Variants in HCN1 observed in about 807,000 individuals in gnomAD.
HCN1 encodes hyperpolarization activated cyclic nucleotide gated potassium channel 1.
In HCN1, 13 loss-of-function variants were observed where a neutral mutation model predicts 78.9. The observed-to-expected ratio is 0.16, with a 90% CI of 0.11 to 0.26. The LOEUF (loss-of-function observed/expected upper bound fraction) is 0.26, where lower values mean the gene tolerates loss of function less well. Among genes scored for constraint, HCN1 ranks in the 10% least tolerant of loss-of-function variants. The probability of loss-of-function intolerance (pLI) is 1.00; values close to 1 mark genes in which losing one functional copy is unlikely to be tolerated. For synonymous variants in HCN1, 552 were observed against 455.5 expected, an observed-to-expected ratio of 1.21 and a Z score of -2.70; for missense variants, 810 against 1,154.3, an observed-to-expected ratio of 0.70 and a Z score of 4.32.
intron 2 of HCN1, among the ~76,000 whole-genome samples, chr5:45,475,715 A>AT (rs1360415570): frequency 2.0e-5 from 3 of 151,944 alleles, no homozygotes; most frequent in South Asian, 2.1e-4. Flanking sequence ...CCACATTATT[A>AT]TTTTTTTCTT....
intron 3 of HCN1, among the ~76,000 whole-genome samples, chr5:45,457,887 T>A (rs1426808695): frequency 6.6e-6 from 1 of 152,144 alleles, no homozygotes; most frequent in African/African-American, 2.4e-5. Context: ...TGTAATCACC[T>A]CTTACTAGAC....
At chr5:45,504,254 C>T (rs1477897119) in intron 2 of HCN1, among the ~76,000 whole-genome samples, 1 of 152,092 alleles carries the variant, frequency 6.6e-6, no homozygotes, top group Non-Finnish European at 1.5e-5. Context: ...TCCCCTCTCC[C>T]CTCACCCCAC....
intron 5 of HCN1, among the ~76,000 whole-genome samples, chr5:45,309,583 T>C (rs1745810802): frequency 6.6e-6 from 1 of 152,182 alleles, no homozygotes; most frequent in African/African-American, 2.4e-5. Context: ...GAAGTGATGT[T>C]GAATTTTATC....
At chr5:45,428,662 T>C (rs897307455) in intron 3 of HCN1, among the ~76,000 whole-genome samples, 5 of 152,226 alleles carry the variant, frequency 3.3e-5, no homozygotes, top group African/African-American at 9.6e-5. Context: ...TGATTTAATA[T>C]CTTTCATTTA....
At chr5:45,534,538 A>T (rs1742927445) in intron 2 of HCN1, among the ~76,000 whole-genome samples, 1 of 151,508 alleles carries the variant, frequency 6.6e-6, no homozygotes, top group Non-Finnish European at 1.5e-5. Context: ...GTATAATGTC[A>T]TAACTATTAA....
At chr5:45,395,996 A>T (rs1739679687) in intron 4 of HCN1, among the ~76,000 whole-genome samples, 1 of 152,134 alleles carries the variant, frequency 6.6e-6, no homozygotes, top group African/African-American at 2.4e-5. Context: ...AAGACTGGAG[A>T]GTGTGGCGAC....
chr5:45,518,672 T>G (rs1311265752), intron 2 of HCN1, among the ~76,000 whole-genome samples: 1 of 151,920 alleles, frequency 6.6e-6, no homozygotes, highest in East Asian at 1.9e-4. Flanking sequence ...GAAGAAAGAT[T>G]AAAACAAATG....
chr5:45,453,453 A>G (rs2111604356), intron 3 of HCN1, among the ~76,000 whole-genome samples: 1 of 152,216 alleles, frequency 6.6e-6, no homozygotes, highest in South Asian at 2.1e-4. Context: ...AGACCCTAAA[A>G]CCCAACACAC....
chr5:45,620,820 C>A (rs1413965008), intron 2 of HCN1, among the ~76,000 whole-genome samples: 1 of 152,052 alleles, frequency 6.6e-6, no homozygotes. Context: ...TCTACAGTAC[C>A]CTATCTAACA....
intron 2 of HCN1, among the ~76,000 whole-genome samples, chr5:45,538,852 A>T (rs1292913617): frequency 2.6e-5 from 4 of 152,216 alleles, no homozygotes; most frequent in African/African-American, 9.6e-5. Context: ...ATTTTAAAGT[A>T]TTCCCTGGTC....
chr5:45,469,535 A>C (rs954140013), intron 2 of HCN1, among the ~76,000 whole-genome samples: 2 of 151,946 alleles, frequency 1.3e-5, no homozygotes, highest in African/African-American at 4.8e-5. Context: ...TGGATCTTTG[A>C]ACCTCATTTT....
chr5:45,497,764 C>G (rs992934875), intron 2 of HCN1, among the ~76,000 whole-genome samples: 1 of 152,168 alleles, frequency 6.6e-6, no homozygotes, highest in Admixed American at 6.6e-5. Flanking sequence ...TTCAGGAGCT[C>G]TTTTAGGGCA....
At chr5:45,295,607 C>G (rs1332149981) in intron 6 of HCN1, among the ~76,000 whole-genome samples, 3 of 152,000 alleles carry the variant, frequency 2.0e-5, no homozygotes, top group Non-Finnish European at 4.4e-5. Flanking sequence ...AAGTTATGCA[C>G]AGAATTCAAA....
At chr5:45,387,222 G>C (rs1390636394) in intron 4 of HCN1, among the ~76,000 whole-genome samples, 1 of 151,866 alleles carries the variant, frequency 6.6e-6, no homozygotes, top group African/African-American at 2.4e-5. Context: ...CAAAATGTAT[G>C]AGTTACTTCA....
chr5:45,477,942 C>G (rs1480514034), intron 2 of HCN1, among the ~76,000 whole-genome samples: 2 of 152,108 alleles, frequency 1.3e-5, no homozygotes, highest in African/African-American at 4.8e-5. Context: ...AAAAAAGACA[C>G]TCATTCACTA....
intron 2 of HCN1, among the ~76,000 whole-genome samples, chr5:45,486,200 G>A (rs776188310): frequency 1.3e-5 from 2 of 152,102 alleles, no homozygotes; most frequent in Non-Finnish European, 2.9e-5. Context: ...TGGGAGAAAG[G>A]TGTTTATGTC....
chr5:45,650,209 T>G (rs1258653813), intron 1 of HCN1, among the ~76,000 whole-genome samples: 1 of 152,092 alleles, frequency 6.6e-6, no homozygotes, highest in African/African-American at 2.4e-5. Context: ...TTTCTACTAC[T>G]CTTAGAGTTA....
At chr5:45,300,050 T>C (rs553119662) in intron 6 of HCN1, among the ~76,000 whole-genome samples, 2 of 152,198 alleles carry the variant, frequency 1.3e-5, no homozygotes, top group Admixed American at 1.3e-4. Context: ...GGGAGGAACA[T>C]ATTCCAGTCT....
intron 3 of HCN1, among the ~76,000 whole-genome samples, chr5:45,419,874 C>A (rs1227828877): frequency 4.6e-5 from 7 of 152,210 alleles, no homozygotes; most frequent in Admixed American, 3.9e-4. Flanking sequence ...ACATTCCACC[C>A]ACAACTTGGT....
Sources: gnomAD v4.1 joint callset for allele counts (sites outside exome capture counted in the v4.1 genomes callset) on GRCh38, gnomAD v4.1.1 for gene constraint, MANE v1.5 for transcripts, NCBI Gene and HGNC (gene_info 2026-07-23, HGNC 2026-07-21) for gene names.